Variants in APLF observed in about 807,000 individuals in gnomAD.
The protein encoded by APLF is aprataxin and PNK-like factor.
APLF carries 61 observed loss-of-function variants against 55.6 expected under a neutral mutation model. The ratio of observed to expected loss-of-function variants is 1.10; its 90% confidence interval spans 0.89 to 1.36. The LOEUF is 1.36. Among genes scored for constraint, APLF ranks in the 40% most tolerant of loss-of-function variants. APLF has a pLI of 0.00. For synonymous variants in APLF, 207 were observed against 214.8 expected, an observed-to-expected ratio of 0.96 and a Z score of 0.32; for missense variants, 611 against 602.5, an observed-to-expected ratio of 1.01 and a Z score of -0.15.
At chr2:68,497,597 A>G (rs1422030037) in intron 2 of APLF, among the ~76,000 whole-genome samples, 2 of 151,178 alleles carry the variant, frequency 1.3e-5, no homozygotes. Flanking sequence ...TTTTTTTTAA[A>G]TAAATTACCC....
chr2:68,482,132 G>A (rs1234969413), intron 1 of APLF, among the ~76,000 whole-genome samples: 1 of 150,016 alleles, frequency 6.7e-6, no homozygotes, highest in African/African-American at 2.5e-5. Flanking sequence ...GAGAATTAAT[G>A]TGTTCCTTTG....
At chr2:68,539,972 A>C (rs932429144) in intron 7 of APLF, among the ~76,000 whole-genome samples, 1 of 152,198 alleles carries the variant, frequency 6.6e-6, no homozygotes, top group East Asian at 1.9e-4. Flanking sequence ...TACAGGTGAC[A>C]TGATTGTATA....
chr2:68,563,615 C>G (rs1276094121), intron 8 of APLF, among the ~76,000 whole-genome samples: 1 of 152,056 alleles, frequency 6.6e-6, no homozygotes, highest in South Asian at 2.1e-4. Flanking sequence ...GTTGTTTAAT[C>G]GGTATTTGGT....
chr2:68,492,866 G>T (rs1243026149), intron 2 of APLF, among the ~76,000 whole-genome samples: 2 of 152,132 alleles, frequency 1.3e-5, no homozygotes, highest in African/African-American at 4.8e-5. Context: ...ATATTATTTA[G>T]TGTAATTTTG....
intron 8 of APLF, among the ~76,000 whole-genome samples, chr2:68,558,260 T>C (rs1303334182): frequency 6.6e-6 from 1 of 152,180 alleles, no homozygotes; most frequent in Non-Finnish European, 1.5e-5. Context: ...ATATTTACTG[T>C]TAATTACACA....
intron 2 of APLF, among the ~76,000 whole-genome samples, chr2:68,492,065 G>T (rs1168607352): frequency 6.6e-6 from 1 of 152,062 alleles, no homozygotes; most frequent in Non-Finnish European, 1.5e-5. Context: ...GTTAATCAAG[G>T]ACATTTATAT....
chr2:68,573,788 T>G (rs534637570), intron 9 of APLF, among the ~76,000 whole-genome samples: 4 of 152,312 alleles, frequency 2.6e-5, no homozygotes, highest in Non-Finnish European at 5.9e-5. Context: ...CCTCTTTCTC[T>G]TAAACTGTGC....
intron 2 of APLF, among the ~76,000 whole-genome samples, chr2:68,499,037 A>C (rs1676641530): frequency 6.6e-6 from 1 of 151,626 alleles, no homozygotes; most frequent in Non-Finnish European, 1.5e-5. Context: ...TTTCCAAATT[A>C]AACAAACAAA....
intron 3 of APLF, among the ~76,000 whole-genome samples, chr2:68,509,694 T>A (rs1222049688): frequency 6.6e-6 from 1 of 152,094 alleles, no homozygotes; most frequent in Non-Finnish European, 1.5e-5. Context: ...GAAATACCAT[T>A]TGACCCAGCC....
rs143780878 is a variant in APLF at position 68,525,251 on chromosome 2, G to A, written c.623-810G>A. On this transcript the variant is annotated intron_variant, in intron 5 of 9. Coordinates refer to ENST00000303795, the MANE Select transcript of APLF (RefSeq NM_173545.3). The stretch of plus-strand genomic sequence containing the variant: ...GCAAAGGTTGCAGTGAGCAGAGATT[G>A]TGCCACTGCACTCCAGCCTGGGTGA... Among the ~76,000 whole-genome samples, 834 of 151,748 alleles carry A rather than the reference G, an allele frequency of 5.5e-3. 4 individuals are homozygous for A. The highest frequency in any genetic ancestry group is 0.019 in the African/African-American group (796 of 41,366).
At chr2:68,491,384 T>C (rs1279297479) in intron 2 of APLF, among the ~76,000 whole-genome samples, 1 of 152,210 alleles carries the variant, frequency 6.6e-6, no homozygotes, top group Non-Finnish European at 1.5e-5. Flanking sequence ...TTTAGCATAG[T>C]GCCTAAGACA....
At chr2:68,490,134 T>G in intron 1 of APLF, 56 bp from the exon 2 acceptor site, 1 of 1,352,578 alleles carries the variant, frequency 7.4e-7, no homozygotes, top group Non-Finnish European at 1.0e-6. Context: ...CCTTTTTGTT[T>G]TGTTGCTTTT....
Position 68,579,142 on chromosome 2 carries a change from A to G in APLF, c.*1120A>G. 1.2e-6 allele frequency: 1 copy of G among 856,994 alleles called. No homozygotes were observed. The highest frequency in any genetic ancestry group is 1.4e-6 in the Non-Finnish European group (1 of 713,192). 53.1% of individuals were successfully genotyped at this position (856,994 alleles called of 1,614,324 possible). Reference sequence around the variant, plus strand: ...CTACTCTAAAGGAACCTAAAAATTTATATCTTAAAAGATCAAAACATATTT... The same window carrying G: ...CTACTCTAAAGGAACCTAAAAATTTGTATCTTAAAAGATCAAAACATATTT... On this transcript the variant is annotated 3_prime_UTR_variant, in exon 10 of 10. Coordinates refer to ENST00000303795, the MANE Select transcript of APLF (RefSeq NM_173545.3).
chr2:68,479,276 G>A (rs1558526487), intron 1 of APLF, among the ~76,000 whole-genome samples: 1 of 152,180 alleles, frequency 6.6e-6, no homozygotes, highest in African/African-American at 2.4e-5. Context: ...CACCATTGTT[G>A]TTATGGAAAA....
chr2:68,518,611 T>TAATATATCATGAATATATAATATGTC (rs1558539707), intron 5 of APLF, among the ~76,000 whole-genome samples: 85 of 113,258 alleles, frequency 7.5e-4, no homozygotes, highest in African/African-American at 3.2e-3. Context: ...AATATATCAT[T>TAATATATCATGAATATATAATATGTC]AATATATCAT....
chr2:68,567,404 C>T lies in APLF; in HGVS notation c.1333+17C>T. On this transcript the variant is annotated intron_variant, in intron 9 of 9. Transcript: ENST00000303795. ...CGCTTCCAGGTAAGTAAGTTTACTT[C>T]AGAAAATTCAAAATGAAACCTTTAA... 1.3e-6 allele frequency: 2 copies of T among 1,568,856 alleles called. No individual in the cohort carries two copies. The highest frequency in any genetic ancestry group is 1.4e-5 in the African/African-American group (1 of 72,166).
intron 8 of APLF, among the ~76,000 whole-genome samples, chr2:68,566,171 C>T (rs986043428): frequency 1.3e-5 from 2 of 151,896 alleles, no homozygotes; most frequent in African/African-American, 4.8e-5. Context: ...CATATTTTAC[C>T]TGTTATATAC....
intron 9 of APLF, among the ~76,000 whole-genome samples, chr2:68,575,518 A>G (rs1263097846): frequency 6.6e-6 from 1 of 152,156 alleles, no homozygotes. Flanking sequence ...TGGAAGCAAG[A>G]GAGCCAGTTA....
chr2:68,559,135 C>T (rs1671097473), intron 8 of APLF, among the ~76,000 whole-genome samples: 1 of 152,026 alleles, frequency 6.6e-6, no homozygotes, highest in East Asian at 1.9e-4. Flanking sequence ...AGTTGATTTT[C>T]CTGGGTTTCA....
Sources: gnomAD v4.1 joint callset for allele counts (sites outside exome capture counted in the v4.1 genomes callset) on GRCh38, gnomAD v4.1.1 for gene constraint, MANE v1.5 for transcripts, NCBI Gene and HGNC (gene_info 2026-07-23, HGNC 2026-07-21) for gene names.